Variants in SORT1 observed in about 807,000 individuals in gnomAD.
The protein encoded by SORT1 is sortilin 1.
SORT1 carries 39 observed loss-of-function variants against 101.7 expected under a neutral mutation model. The ratio of observed to expected loss-of-function variants is 0.38; its 90% CI spans 0.30 to 0.50. The LOEUF (loss-of-function observed/expected upper bound fraction) is 0.50. Among genes scored for constraint, SORT1 ranks in the 20% least tolerant of loss-of-function variants. The pLI is 0.90. For missense variants in SORT1, 878 were observed against 1,040.4 expected (o/e 0.84, Z 2.15); for synonymous variants, 396 against 393.7 (o/e 1.01, Z -0.07).
Position 109,327,005 on chromosome 1 carries a change from T to A in SORT1, c.1630A>T (p.Ile544Phe). The change falls in exon 13 of 20, where the codon ATC becomes TTC. Residue 544 changes from isoleucine to phenylalanine, a missense_variant. By Grantham distance (21) the Ile-to-Phe change is conservative. Transcript: ENST00000256637. ...IVAIEHSSRPINVIKFSTDEG... is the reference protein window; with the variant it reads ...IVAIEHSSRPFNVIKFSTDEG... Reference sequence around the variant, plus strand: ...GTTCATGCATACTTAATCACATTGATAGGACGGCTGCTGTGCTCAATGGCC... The same window carrying A: ...GTTCATGCATACTTAATCACATTGAAAGGACGGCTGCTGTGCTCAATGGCC... The A allele has an allele frequency of 6.2e-7, 1 of 1,611,676 alleles. No individual in the cohort carries two copies. Among genetic ancestry groups the A allele is most frequent in the Non-Finnish European group, 8.5e-7 (1 of 1,179,594 alleles).
chr1:109,351,044 C>T (rs1273193430), intron 5 of SORT1, 42 bp from the exon 6 acceptor site: 8 of 1,291,790 alleles, frequency 6.2e-6, no homozygotes, highest in Non-Finnish European at 7.9e-6. Context: ...TAGCTTTATC[C>T]TGTGTAGTTG....
At chr1:109,325,770 T>A (rs1243022223) in intron 13 of SORT1, among the ~76,000 whole-genome samples, 1 of 151,518 alleles carries the variant, frequency 6.6e-6, no homozygotes, top group Non-Finnish European at 1.5e-5. Flanking sequence ...AGGTTAGGAG[T>A]TCGAGACCAG....
At chr1:109,377,879 T>C (rs2101640716) in intron 1 of SORT1, among the ~76,000 whole-genome samples, 1 of 152,228 alleles carries the variant, frequency 6.6e-6, no homozygotes, top group East Asian at 1.9e-4. Context: ...TCTATTAATA[T>C]CACCATCTAG....
At chr1:109,320,594 A>C (rs1423075901) in intron 15 of SORT1, among the ~76,000 whole-genome samples, 4 of 152,198 alleles carry the variant, frequency 2.6e-5, no homozygotes, top group African/African-American at 9.7e-5. Context: ...ACCATTTGTC[A>C]ACGCTCAGCT....
In SORT1 at chr1:109,322,924, G is replaced by A; in HGVS notation, c.2024+8C>T. ...AGGGAGACAGAGAAATCTGAGGAATGCTGATACCAGAGAAAGTCCTCCAGG... is the reference window on the plus strand; with the variant it reads ...AGGGAGACAGAGAAATCTGAGGAATACTGATACCAGAGAAAGTCCTCCAGG... On this transcript the variant is annotated splice_region_variant and intron_variant, in intron 15 of 19. Transcript: ENST00000256637. 7 of 1,605,154 alleles carry A rather than the reference G, an allele frequency of 4.4e-6. No homozygotes were observed. The highest frequency in any genetic ancestry group is 6.0e-6 in the Non-Finnish European group (7 of 1,173,174).
intron 5 of SORT1, among the ~76,000 whole-genome samples, chr1:109,353,658 T>C (rs1650113500): frequency 6.6e-6 from 1 of 152,236 alleles, no homozygotes; most frequent in South Asian, 2.1e-4. Flanking sequence ...CAAAGGGATG[T>C]GCCTCTTGAA....
rs1459278642 is a variant in SORT1, at chr1:109,326,458, TATATATACATACAC to T, written c.1643+520_1643+533del. On this transcript the variant is annotated intron_variant, in intron 13 of 19. Transcript: ENST00000256637. ...ATATATATATATATATATATATATA[TATATATACATACAC>T]ACACACACACACATATATATACACA... Among the ~76,000 whole-genome samples, 28 of 35,330 alleles carry T rather than the reference TATATATACATACAC, an allele frequency of 7.9e-4. 2 individuals carry two copies. Among genetic ancestry groups the T allele is most frequent in the South Asian group, 2.4e-3 (2 of 850 alleles). The allele number at this position is 35,330 out of a possible 152,430, so 23.2% of individuals were successfully genotyped here.
intron 8 of SORT1, among the ~76,000 whole-genome samples, chr1:109,343,766 AGCCTCCCGAGT>A (rs893878844): frequency 1.3e-5 from 2 of 152,146 alleles, no homozygotes; most frequent in South Asian, 2.1e-4. Flanking sequence ...CTTGTGCATC[AGCCTCCCGAGT>A]AGCTGGGATT....
At chr1:109,321,860 T>C (rs548511633) in intron 15 of SORT1, among the ~76,000 whole-genome samples, 2 of 152,188 alleles carry the variant, frequency 1.3e-5, no homozygotes, top group South Asian at 4.1e-4. Context: ...CAGGGACTCA[T>C]GCCCTTATAT....
intron 10 of SORT1, among the ~76,000 whole-genome samples, chr1:109,336,965 T>C (rs528146770): frequency 2.6e-5 from 4 of 152,204 alleles, no homozygotes; most frequent in African/African-American, 9.7e-5. Flanking sequence ...CCTTCCCTGT[T>C]TGCTTGCCTG....
intron 1 of SORT1, among the ~76,000 whole-genome samples, chr1:109,383,067 C>T (rs1331014536): frequency 1.3e-5 from 2 of 152,096 alleles, no homozygotes; most frequent in African/African-American, 2.4e-5. Context: ...AAGTTGGTCC[C>T]AAGAGTCACT....
chr1:109,371,712 T>C (rs2101630489), intron 1 of SORT1, among the ~76,000 whole-genome samples: 1 of 152,264 alleles, frequency 6.6e-6, no homozygotes, highest in South Asian at 2.1e-4. Context: ...TCAGCTTCAC[T>C]GAAACAACTG....
intron 1 of SORT1, among the ~76,000 whole-genome samples, chr1:109,373,594 T>G (rs1651630196): frequency 1.3e-5 from 2 of 152,114 alleles, no homozygotes; most frequent in Admixed American, 1.3e-4. Context: ...CTCAGAAACA[T>G]TTACCTCTGT....
chr1:109,355,649 C>CCCCCCCCCCCCCG (rs1650264305), intron 3 of SORT1, among the ~76,000 whole-genome samples, 180 bp from the exon 4 acceptor site: 1 of 134,616 alleles, frequency 7.4e-6, no homozygotes, highest in Non-Finnish European at 1.6e-5. Flanking sequence ...CCACCCGCCC[C>CCCCCCCCCCCCCG]CCCCCCCACA....
intron 3 of SORT1, among the ~76,000 whole-genome samples, chr1:109,363,071 C>A (rs1341138956): frequency 1.3e-5 from 2 of 152,010 alleles, no homozygotes; most frequent in African/African-American, 4.8e-5. Flanking sequence ...TAATGCAAAA[C>A]CTCTTAATAG....
intron 15 of SORT1, among the ~76,000 whole-genome samples, chr1:109,322,214 A>G (rs557521234): frequency 6.6e-6 from 1 of 152,190 alleles, no homozygotes; most frequent in Admixed American, 6.5e-5. Context: ...CTGGGATTAC[A>G]GGCATGAGCC....
intron 3 of SORT1, among the ~76,000 whole-genome samples, chr1:109,357,212 T>G (rs1650383109): frequency 6.6e-6 from 1 of 152,238 alleles, no homozygotes. Context: ...AGCTGTGGTG[T>G]GTAGCAGGCT....
At chr1:109,317,320 T>C (rs901279536) in intron 16 of SORT1, among the ~76,000 whole-genome samples, 7 of 152,308 alleles carry the variant, frequency 4.6e-5, no homozygotes, top group East Asian at 1.9e-4. Flanking sequence ...CTGTCCAATA[T>C]GGTGGCTACT....
chr1:109,325,997 A>G (rs917047218), intron 13 of SORT1, among the ~76,000 whole-genome samples: 9 of 151,846 alleles, frequency 5.9e-5, no homozygotes, highest in Admixed American at 4.6e-4. Flanking sequence ...GCAAAACTCC[A>G]TCTCAATAAA....
Sources: allele counts gnomAD v4.1 joint callset (sites outside exome capture counted in the v4.1 genomes callset), GRCh38; gene constraint gnomAD v4.1.1; transcripts MANE v1.5; gene names NCBI Gene and HGNC (gene_info 2026-07-23, HGNC 2026-07-21).